SEMA6D: variants seen among roughly 807,000 people sequenced by gnomAD.
SEMA6D encodes the protein semaphorin 6D.
A neutral mutation model predicts 106.6 loss-of-function variants in SEMA6D; 35 were observed. The observed-to-expected ratio is 0.33, with a 90% CI of 0.25 to 0.44. The LOEUF is 0.44. SEMA6D is among the 20% of genes least tolerant of loss of function. The pLI is 1.00. For missense variants in SEMA6D, 1,185 were observed against 1,345.9 expected, an observed-to-expected ratio of 0.88 and a Z score of 1.87; for synonymous variants, 499 against 487.7, an observed-to-expected ratio of 1.02 and a Z score of -0.31.
chr15:47,390,857 C>T (rs2040004961), intron 1 of SEMA6D, among the ~76,000 whole-genome samples: 1 of 152,018 alleles, frequency 6.6e-6, no homozygotes, highest in African/African-American at 2.4e-5. Context: ...TTCCATTTTT[C>T]ATATCGTTTG....
At chr15:47,556,548 C>A (rs2045921493) in intron 3 of SEMA6D, among the ~76,000 whole-genome samples, 2 of 152,046 alleles carry the variant, frequency 1.3e-5, no homozygotes, top group Admixed American at 1.3e-4. Context: ...TGTTTCTTGG[C>A]CTTCCTAGTA....
At chr15:47,278,757 T>C (rs1282423835) in intron 1 of SEMA6D, among the ~76,000 whole-genome samples, 1 of 149,692 alleles carries the variant, frequency 6.7e-6, no homozygotes, top group East Asian at 2.0e-4. Context: ...GTCTAACGTT[T>C]AAGTCTTTAA....
At chr15:47,250,887 G>A (rs1263700497) in intron 1 of SEMA6D, among the ~76,000 whole-genome samples, 22 of 152,214 alleles carry the variant, frequency 1.4e-4, no homozygotes, top group Non-Finnish European at 8.8e-5. Context: ...TTTTCAAAAA[G>A]GTGGAAGGAT....
chr15:47,761,874 A>C (rs1431517974), intron 7 of SEMA6D, 123 bp downstream of exon 7: 5 of 862,342 alleles, frequency 5.8e-6, no homozygotes, highest in Non-Finnish European at 8.8e-6. Context: ...TCGAAAGGCT[A>C]GAATCTATGC....
At chr15:47,311,469 C>T (rs182143417) in intron 1 of SEMA6D, among the ~76,000 whole-genome samples, 1 of 151,970 alleles carries the variant, frequency 6.6e-6, no homozygotes, top group African/African-American at 2.4e-5. Context: ...ATGTAATGCC[C>T]GCCAGAGGGG....
At chr15:47,729,823 C>T (rs1417494491) in intron 1 of SEMA6D, among the ~76,000 whole-genome samples, 1 of 152,190 alleles carries the variant, frequency 6.6e-6, no homozygotes, top group Non-Finnish European at 1.5e-5. Context: ...AATGTGTGCT[C>T]ATTACTGAAA....
Position 47,685,952 on chromosome 15 carries a change from G to A in SEMA6D, c.-54-73793G>A, listed in dbSNP as rs35233692. Among the ~76,000 whole-genome samples the A allele has an allele frequency of 1.9e-3, 282 of 152,320 alleles. 1 individual carries two copies. The highest frequency in any genetic ancestry group is 6.2e-3 in the African/African-American group (257 of 41,572). ...GAGATTTAAAATAGGGAATGGATGT[G>A]ATTTCTGACACAGAGAGCCCACTGG... On this transcript the variant is annotated intron_variant, in intron 4 of 19. Coordinates refer to the SEMA6D transcript ENST00000558014.
At chr15:47,487,800 T>C (rs1265623091) in intron 3 of SEMA6D, among the ~76,000 whole-genome samples, 1 of 152,244 alleles carries the variant, frequency 6.6e-6, no homozygotes, top group East Asian at 1.9e-4. Context: ...TTCCCTGGTG[T>C]TGTTATCTAC....
intron 1 of SEMA6D, among the ~76,000 whole-genome samples, chr15:47,189,611 G>T (rs1157882782): frequency 6.6e-6 from 1 of 152,212 alleles, no homozygotes; most frequent in African/African-American, 2.4e-5. Flanking sequence ...AATCTAACCA[G>T]CTACCTCTAG....
intron 4 of SEMA6D, among the ~76,000 whole-genome samples, chr15:47,665,502 A>C (rs1030841460): frequency 1.8e-4 from 28 of 152,300 alleles, no homozygotes; most frequent in Non-Finnish European, 3.1e-4. Flanking sequence ...GACAAAATAC[A>C]TTCAGTCCCT....
At chr15:47,542,473 T>G (rs1306487982) in intron 3 of SEMA6D, among the ~76,000 whole-genome samples, 1 of 152,166 alleles carries the variant, frequency 6.6e-6, no homozygotes, top group Non-Finnish European at 1.5e-5. Context: ...AAGCTACTTG[T>G]TTGGCCTGGT....
intron 3 of SEMA6D, among the ~76,000 whole-genome samples, chr15:47,556,473 G>C (rs1555390209): frequency 6.6e-6 from 1 of 152,158 alleles, no homozygotes; most frequent in Non-Finnish European, 1.5e-5. Context: ...ATTTGTTTAA[G>C]TTGATTACCT....
intron 3 of SEMA6D, among the ~76,000 whole-genome samples, chr15:47,528,665 T>C (rs2044843673): frequency 6.6e-6 from 1 of 152,218 alleles, no homozygotes; most frequent in Admixed American, 6.5e-5. Context: ...CCTTTAAGGT[T>C]GCTACAGGGA....
chr15:47,644,381 A>G (rs2144795553), intron 4 of SEMA6D, among the ~76,000 whole-genome samples: 1 of 152,344 alleles, frequency 6.6e-6, no homozygotes, highest in African/African-American at 2.4e-5. Context: ...CTTATGATAA[A>G]ATCGAATTGC....
chr15:47,768,665 A>T lies in SEMA6D; in HGVS notation c.1850A>T (p.Lys617Ile). The change falls in exon 18 of 19, where the codon AAA (lysine) becomes ATA (isoleucine). Residue 617 changes from lysine (K) to isoleucine (I), a missense_variant. Around this residue, in one of 3 missense-constraint regions of SEMA6D, gnomAD observed 750 missense variants for 783.5 expected, o/e 0.96. Transcript: ENST00000536845. ...AAAGTGATTGATACCTGGAGACCTA[A>T]ACTGACAAGCTCTCGGAAATTTGTA... is the stretch of plus-strand genomic sequence containing the variant. ...TPKVIDTWRP[K>I]LTSSRKFVVQ... 1.2e-6 allele frequency: 2 copies of T among 1,613,686 alleles called. No homozygotes were observed. The highest frequency in any genetic ancestry group is 1.7e-6 in the Non-Finnish European group (2 of 1,179,680).
intron 4 of SEMA6D, among the ~76,000 whole-genome samples, chr15:47,605,594 C>T (rs1024237774): frequency 1.3e-5 from 2 of 152,118 alleles, no homozygotes; most frequent in Non-Finnish European, 2.9e-5. Context: ...AGAACAGCAC[C>T]TCCCCAACTC....
chr15:47,270,725 G>A (rs1268930255), intron 1 of SEMA6D, among the ~76,000 whole-genome samples: 4 of 152,038 alleles, frequency 2.6e-5, no homozygotes, highest in African/African-American at 9.7e-5. Context: ...CGAACGCGGT[G>A]GTTCACACCC....
intron 1 of SEMA6D, among the ~76,000 whole-genome samples, chr15:47,195,050 T>G (rs1266388521): frequency 6.6e-6 from 1 of 152,202 alleles, no homozygotes; most frequent in Non-Finnish European, 1.5e-5. Flanking sequence ...AAAAGAATCA[T>G]TTCCAGATGC....
At chr15:47,374,307 C>A (rs1361137305) in intron 1 of SEMA6D, among the ~76,000 whole-genome samples, 1 of 151,928 alleles carries the variant, frequency 6.6e-6, no homozygotes, top group Non-Finnish European at 1.5e-5. Context: ...AAAGAGAAGT[C>A]CTCAAATCTC....
Sources: gnomAD v4.1 joint callset for allele counts (sites outside exome capture counted in the v4.1 genomes callset) on GRCh38, gnomAD v4.1.1 for gene constraint, gnomAD v4.1.1 regional missense constraint, MANE v1.5 for transcripts, NCBI Gene and HGNC (gene_info 2026-07-23, HGNC 2026-07-21) for gene names.